The following ADAM12 variants were observed in gnomAD, a reference collection of about 807,000 sequenced individuals.
ADAM12 encodes the protein disintegrin and metalloproteinase domain-containing protein 12.
A neutral mutation model predicts 106.4 loss-of-function variants in ADAM12; 70 were observed. That is an observed-to-expected ratio of 0.66 (90% confidence interval 0.54 to 0.80). The LOEUF is 0.80. Among genes scored for constraint, ADAM12 ranks in the 30% least tolerant of loss-of-function variants. The probability of loss-of-function intolerance (pLI) is 0.00; values close to 1 mark genes in which losing one functional copy is unlikely to be tolerated. For missense variants in ADAM12, 1,010 were observed against 1,171.9 expected (o/e 0.86, Z 2.02); for synonymous variants, 420 against 433.5 (o/e 0.97, Z 0.39).
intron 2 of ADAM12, among the ~76,000 whole-genome samples, chr10:126,330,064 AT>A (rs1854452554): frequency 1.3e-5 from 2 of 152,240 alleles, no homozygotes. Flanking sequence ...TCTAGCAATA[AT>A]CAATTCGAGG....
At chr10:126,093,884 TGC>T (rs1360888936) in intron 11 of ADAM12, 99 bp downstream of exon 11, 35 of 1,529,170 alleles carry the variant, frequency 2.3e-5, no homozygotes, top group Non-Finnish European at 3.0e-5. Context: ...CTTCCCTGGG[TGC>T]TCTGACCAGA....
At chr10:126,029,253 C>T (rs1352704597) in intron 21 of ADAM12, among the ~76,000 whole-genome samples, 1 of 152,000 alleles carries the variant, frequency 6.6e-6, no homozygotes, top group Non-Finnish European at 1.5e-5. Context: ...GGGTATATAC[C>T]CAAAGGAATA....
rs1710293 is a variant in ADAM12 at position 126,056,260 on chromosome 10, A to T, written c.1610-6591T>A. On this transcript the variant is annotated intron_variant, in intron 14 of 22. Coordinates refer to ENST00000448723, the MANE Select transcript of ADAM12 (RefSeq NM_001288973.2). Reference sequence around the variant, plus strand: ...CTTTACCACTGAAATATGGCCAGGAAGTGATGTCCCTGAGGCACAGCAATG... The same window carrying T: ...CTTTACCACTGAAATATGGCCAGGATGTGATGTCCCTGAGGCACAGCAATG... 2.6e-5 allele frequency among the ~76,000 whole-genome samples: 4 copies of T among 152,056 alleles called. No homozygotes were observed. The South Asian group carries it at 8.3e-4, about 32-fold the overall frequency.
At chr10:126,169,001 C>T (rs1041073993) in intron 3 of ADAM12, among the ~76,000 whole-genome samples, 3 of 152,020 alleles carry the variant, frequency 2.0e-5, no homozygotes, top group East Asian at 3.9e-4. Context: ...TGTAGTGAGC[C>T]GAGATCGCAC....
At chr10:126,045,904 A>C in intron 17 of ADAM12, 151 bp downstream of exon 17, 1 of 658,250 alleles carries the variant, frequency 1.5e-6, no homozygotes, top group Non-Finnish European at 2.6e-6. Flanking sequence ...GAAAAGGTCA[A>C]AAGAAATGAA....
chr10:126,186,665 A>T (rs2133794052), intron 3 of ADAM12, among the ~76,000 whole-genome samples: 1 of 152,152 alleles, frequency 6.6e-6, no homozygotes, highest in South Asian at 2.1e-4. Context: ...CAGTGTCTGG[A>T]CCAGCAGACA....
At position 126,160,979 on chromosome 10, in the gene ADAM12, G is replaced by A. The variant is rs553264467; in HGVS notation, c.261-5674C>T. Among the ~76,000 whole-genome samples the A allele has an allele frequency of 2.6e-4, 40 of 152,308 alleles. No individual in the cohort carries two copies. In the South Asian group the frequency reaches 2.7e-3, roughly 10 times the overall value. On this transcript the variant is annotated intron_variant, in intron 3 of 22. Coordinates refer to ENST00000448723, the MANE Select transcript of ADAM12 (RefSeq NM_001288973.2). The stretch of plus-strand genomic sequence containing the variant: ...TTTCATCCTTCTGCTCTTGGTTTCA[G>A]TGTTGTCTCTCCAGAGGGTCCTTTC...
intron 2 of ADAM12, among the ~76,000 whole-genome samples, chr10:126,297,256 T>C (rs1368396968): frequency 2.0e-5 from 3 of 152,082 alleles, no homozygotes; most frequent in Non-Finnish European, 4.4e-5. Context: ...CTCAGGGCAA[T>C]GGTTAAAAAT....
intron 3 of ADAM12, among the ~76,000 whole-genome samples, chr10:126,156,665 G>A (rs1399464841): frequency 3.3e-5 from 5 of 152,236 alleles, no homozygotes; most frequent in African/African-American, 7.2e-5. Flanking sequence ...ACTTCTGGGT[G>A]CGTGGATGTG....
intron 16 of ADAM12, 85 bp from the exon 17 acceptor site, chr10:126,046,217 G>A (rs376178117): frequency 7.8e-7 from 1 of 1,289,136 alleles, no homozygotes. Context: ...CAAACAAAAA[G>A]CAAGCAAAAG....
chr10:126,165,169 C>T (rs1401728046), intron 3 of ADAM12, among the ~76,000 whole-genome samples: 1 of 152,000 alleles, frequency 6.6e-6, no homozygotes, highest in African/African-American at 2.4e-5. Context: ...GGCCTTGGGG[C>T]ATTCACTTTT....
chr10:126,370,915 C>G (rs1160402363), intron 1 of ADAM12, among the ~76,000 whole-genome samples: 1 of 152,178 alleles, frequency 6.6e-6, no homozygotes, highest in African/African-American at 2.4e-5. Context: ...GCCCATACCT[C>G]TAAGGGCCAT....
chr10:126,205,945 T>C (rs950632249), intron 3 of ADAM12, among the ~76,000 whole-genome samples: 2 of 152,232 alleles, frequency 1.3e-5, no homozygotes, highest in African/African-American at 4.8e-5. Flanking sequence ...TGCACACTAG[T>C]ACATACACTC....
rs1957450363 is a variant in ADAM12 at position 126,189,051 on chromosome 10, C to G, written c.261-33746G>C. Among the ~76,000 whole-genome samples the G allele has an allele frequency of 2.0e-5, 3 of 152,180 alleles. No homozygotes were observed. In the South Asian group the frequency reaches 6.2e-4, roughly 32 times the overall value. ...AGTGTGAGCCCTGTTGCACAAACGT[C>G]CCTTTTCTCAAGAAGCCCACATCCT... On this transcript the variant is annotated intron_variant, in intron 3 of 22. Coordinates refer to ENST00000448723, the MANE Select transcript of ADAM12 (RefSeq NM_001288973.2).
intron 8 of ADAM12, among the ~76,000 whole-genome samples, chr10:126,103,764 A>G (rs532611166): frequency 6.6e-6 from 1 of 152,354 alleles, no homozygotes; most frequent in South Asian, 2.1e-4. Flanking sequence ...AGCCCAGAAC[A>G]TATGTGGACA....
intron 5 of ADAM12, among the ~76,000 whole-genome samples, chr10:126,126,275 G>C (rs1224216530): frequency 6.6e-6 from 1 of 152,098 alleles, no homozygotes. Flanking sequence ...GCTGATGAGT[G>C]ACCTTCGAGG....
intron 1 of ADAM12, among the ~76,000 whole-genome samples, chr10:126,378,459 T>C (rs1856371643): frequency 6.6e-6 from 1 of 152,188 alleles, no homozygotes; most frequent in South Asian, 2.1e-4. Flanking sequence ...TATGAATAAG[T>C]CTAAAATATA....
At chr10:126,128,007 T>C (rs1243884949) in intron 5 of ADAM12, among the ~76,000 whole-genome samples, 3 of 151,588 alleles carry the variant, frequency 2.0e-5, no homozygotes, top group Admixed American at 6.6e-5. Flanking sequence ...AAAAAGAAGA[T>C]TGGATCCAAA....
At position 126,066,634 on chromosome 10, in the gene ADAM12, C is replaced by T; in HGVS notation, c.1413+83G>A. 22 of 1,361,864 alleles carry T rather than the reference C, an allele frequency of 1.6e-5. No homozygotes were observed. The highest frequency in any genetic ancestry group is 4.2e-4 in the Middle Eastern group (2 of 4,768). The allele number at this position is 1,361,864 out of a possible 1,614,324, so 84.4% of individuals were successfully genotyped here. A position where few individuals can be genotyped will look rare whatever the true frequency, so the allele number is the denominator to read the frequency against. On this transcript the variant is annotated intron_variant, in intron 13 of 22. Coordinates refer to ENST00000448723, the MANE Select transcript of ADAM12 (RefSeq NM_001288973.2). The surrounding 1 kb of genome is among the most constrained non-coding windows in gnomAD (Gnocchi z 5.1). ...TGGTGAGTGCTGGGAAACCTTCCAGCCACACTGCTTGCCCTGCATCAGATC... is the reference window on the plus strand; with the variant it reads ...TGGTGAGTGCTGGGAAACCTTCCAGTCACACTGCTTGCCCTGCATCAGATC...
Sources: gnomAD v4.1 joint callset for allele counts (sites outside exome capture counted in the v4.1 genomes callset) on GRCh38, gnomAD v4.1.1 for gene constraint, Gnocchi (gnomAD v3.1) non-coding constraint, MANE v1.5 for transcripts, NCBI Gene and HGNC (gene_info 2026-07-23, HGNC 2026-07-21) for gene names.